CCDC7: variants seen among roughly 807,000 people sequenced by gnomAD.
The protein encoded by CCDC7 is coiled-coil domain-containing protein 7.
CCDC7 carries 183 observed loss-of-function variants against 196.9 expected under a neutral mutation model. The ratio of observed to expected loss-of-function variants is 0.93; its 90% CI spans 0.82 to 1.05. The LOEUF is 1.05. CCDC7 is among the 50% of genes least tolerant of loss of function. CCDC7 has a pLI of 0.00. For missense variants in CCDC7, 1,540 were observed against 1,482.2 expected, an observed-to-expected ratio of 1.04 and a Z score of -0.64; for synonymous variants, 525 against 484.6, an observed-to-expected ratio of 1.08 and a Z score of -1.10.
chr10:32,606,167 A>C (rs1365738768), intron 18 of CCDC7, among the ~76,000 whole-genome samples: 1 of 152,266 alleles, frequency 6.6e-6, no homozygotes, highest in Non-Finnish European at 1.5e-5. Context: ...GGTACAAGCC[A>C]TAAGCTTTGG....
At chr10:32,846,428 A>T in exon 37 of CCDC7, 4 of 1,596,436 alleles carry the variant, frequency 2.5e-6, no homozygotes, top group South Asian at 2.2e-5. Flanking sequence ...TAATAAAGGG[A>T]CCAATCAGTG....
chr10:32,463,343 G>A lies in CCDC7; in HGVS notation c.510+294G>A, dbSNP rs990028494. ...ATTATTTTTTCCAATTTACATAAAA[G>A]GGTGATGAGAGAACCTTTCACTTTA... is the stretch of plus-strand genomic sequence containing the variant. On this transcript the variant is annotated intron_variant, in intron 5 of 41. Coordinates refer to ENST00000639629, the Ensembl canonical transcript of CCDC7. 4.4e-4 allele frequency among the ~76,000 whole-genome samples: 67 copies of A among 152,106 alleles called. 1 individual carries two copies. Among genetic ancestry groups the A allele is most frequent in the Middle Eastern group, 3.4e-3 (1 of 294 alleles).
At chr10:32,571,996 C>A in intron 16 of CCDC7, 103 bp downstream of exon 17, 1 of 1,083,948 alleles carries the variant, frequency 9.2e-7, no homozygotes, top group South Asian at 3.3e-5. Context: ...TCACAAAACT[C>A]TTTGAAACTA....
At chr10:32,487,999 C>T (rs983581245) in intron 8 of CCDC7, among the ~76,000 whole-genome samples, 11 of 152,318 alleles carry the variant, frequency 7.2e-5, no homozygotes, top group African/African-American at 2.6e-4. Flanking sequence ...AGAACCACTA[C>T]TCTCTTCAAA....
chr10:32,712,881 C>T (rs1391229912), intron 25 of CCDC7, among the ~76,000 whole-genome samples: 1 of 152,096 alleles, frequency 6.6e-6, no homozygotes, highest in Non-Finnish European at 1.5e-5. Flanking sequence ...TCACATAGGC[C>T]AGATGAGTCT....
At position 32,473,696 on chromosome 10, in the gene CCDC7, T is replaced by C. The variant is rs992657406; in HGVS notation, c.740-271T>C. Among the ~76,000 whole-genome samples the C allele has an allele frequency of 5.8e-4, 88 of 152,282 alleles. 1 individual carries two copies. Among genetic ancestry groups the C allele is most frequent in the African/African-American group, 2.0e-3 (83 of 41,552 alleles). On this transcript the variant is annotated intron_variant, in intron 7 of 41. Transcript: ENST00000639629. ...TATGGAAGGAAGGAAGACTAGATAA[T>C]GATGGTACCATCAATGAATATAAGA...
At chr10:32,701,480 T>G (rs2078712929) in intron 24 of CCDC7, among the ~76,000 whole-genome samples, 1 of 152,164 alleles carries the variant, frequency 6.6e-6, no homozygotes, top group Non-Finnish European at 1.5e-5. Context: ...AAAATTCTCT[T>G]TTTTGGTTGT....
chr10:32,764,109 G>T (rs2077885022), intron 28 of CCDC7, among the ~76,000 whole-genome samples: 1 of 151,674 alleles, frequency 6.6e-6, no homozygotes, highest in Non-Finnish European at 1.5e-5. Flanking sequence ...TTTCATTCCT[G>T]TCAGAAGAAA....
intron 5 of CCDC7, among the ~76,000 whole-genome samples, chr10:32,468,880 T>A (rs2037377494): frequency 6.6e-6 from 1 of 152,220 alleles, no homozygotes; most frequent in African/African-American, 2.4e-5. Context: ...GTAAGGTTAA[T>A]GTCAGTGATC....
rs553816425 is a variant in CCDC7, at chr10:32,736,540, C to T, written c.2905+7083C>T. Among the ~76,000 whole-genome samples, 288 of 151,918 alleles carry T rather than the reference C, an allele frequency of 1.9e-3. 1 individual carries two copies. Among genetic ancestry groups the T allele is most frequent in the Middle Eastern group, 6.8e-3 (2 of 292 alleles). On this transcript the variant is annotated intron_variant, in intron 28 of 41. Transcript: ENST00000639629. ...TATCTCCCAATGCTATCCCTCCCCG[C>T]TCCCCCCACCCCACAACAGTCCCCA... is the stretch of plus-strand genomic sequence containing the variant.
At chr10:32,607,584 T>G (rs2061674373) in intron 18 of CCDC7, among the ~76,000 whole-genome samples, 1 of 152,198 alleles carries the variant, frequency 6.6e-6, no homozygotes, top group Admixed American at 6.5e-5. Flanking sequence ...ATTGAGATAA[T>G]CAGTGGTTTC....
intron 8 of CCDC7, among the ~76,000 whole-genome samples, chr10:32,490,226 A>G (rs1436063411): frequency 6.6e-6 from 1 of 152,090 alleles, no homozygotes; most frequent in Non-Finnish European, 1.5e-5. Context: ...TTTGAGCCCT[A>G]CCAAGGCCAC....
At chr10:32,724,628 G>T (rs1005412811) in intron 25 of CCDC7, among the ~76,000 whole-genome samples, 2 of 152,084 alleles carry the variant, frequency 1.3e-5, no homozygotes, top group Non-Finnish European at 2.9e-5. Flanking sequence ...GATGTGGCAT[G>T]TGGAGAGGAC....
At chr10:32,858,559 C>T (rs1265283360) in intron 41 of CCDC7, among the ~76,000 whole-genome samples, 4 of 152,078 alleles carry the variant, frequency 2.6e-5, no homozygotes, top group Admixed American at 6.6e-5. Flanking sequence ...ATATTCACAG[C>T]ATAATCTCAG....
chr10:32,836,971 C>T (rs2092655334), intron 33 of CCDC7, among the ~76,000 whole-genome samples: 1 of 152,064 alleles, frequency 6.6e-6, no homozygotes, highest in Non-Finnish European at 1.5e-5. Context: ...CATAAAAACC[C>T]TAGAAGAAAA....
At chr10:32,761,348 G>A (rs969802570) in intron 28 of CCDC7, among the ~76,000 whole-genome samples, 4 of 151,964 alleles carry the variant, frequency 2.6e-5, no homozygotes, top group Non-Finnish European at 5.9e-5. Context: ...CACTGATACC[G>A]TGGCATCATA....
At chr10:32,742,488 C>A (rs897455278) in intron 28 of CCDC7, among the ~76,000 whole-genome samples, 2 of 152,094 alleles carry the variant, frequency 1.3e-5, no homozygotes, top group Non-Finnish European at 2.9e-5. Flanking sequence ...TTGTGCTCTC[C>A]CTATTTATTT....
At chr10:32,878,473 A>G, downstream of CCDC7, among the ~76,000 whole-genome samples, 1 of 152,120 alleles carries the variant, frequency 6.6e-6, no homozygotes, top group East Asian at 1.9e-4. Context: ...GTAAAATGTA[A>G]TACTTTTTCA....
intron 29 of CCDC7, among the ~76,000 whole-genome samples, chr10:32,804,750 A>G (rs1198484013): frequency 1.3e-5 from 2 of 152,182 alleles, no homozygotes; most frequent in African/African-American, 2.4e-5. Context: ...AGGTTGTGCA[A>G]CAACTTTGTT....
Sources: allele counts gnomAD v4.1 joint callset (sites outside exome capture counted in the v4.1 genomes callset), GRCh38; gene constraint gnomAD v4.1.1; transcripts MANE v1.5; gene names NCBI Gene and HGNC (gene_info 2026-07-23, HGNC 2026-07-21).